The following TMEM150C variants were observed in gnomAD, a reference collection of about 807,000 sequenced individuals.
TMEM150C encodes tentonin 3.
TMEM150C carries 10 observed loss-of-function variants against 29.9 expected under a neutral mutation model. The observed-to-expected ratio is 0.33, with a 90% CI of 0.21 to 0.57. The LOEUF (loss-of-function observed/expected upper bound fraction) is 0.57. Ranked by LOEUF, TMEM150C falls within the 20% of genes least tolerant of loss-of-function variation. The pLI, the probability that TMEM150C is intolerant of heterozygous loss-of-function variation, is 0.88. For synonymous variants in TMEM150C, 101 were observed against 112.5 expected, an observed-to-expected ratio of 0.90 and a Z score of 0.64; for missense variants, 251 against 303.6, an observed-to-expected ratio of 0.83 and a Z score of 1.29.
chr4:82,560,206 A>G (rs183991351), intron 1 of TMEM150C, among the ~76,000 whole-genome samples: 28 of 152,354 alleles, frequency 1.8e-4, no homozygotes, highest in African/African-American at 6.3e-4. Context: ...GAATTAAGCA[A>G]TTGCTCTGAA....
chr4:82,530,105 T>TCTAGAG (rs1724789682), intron 1 of TMEM150C, among the ~76,000 whole-genome samples: 1 of 148,966 alleles, frequency 6.7e-6, no homozygotes, highest in South Asian at 2.1e-4. Context: ...TCTCTCTCTC[T>TCTAGAG]AGAGAGAGAG....
intron 1 of TMEM150C, among the ~76,000 whole-genome samples, chr4:82,549,568 C>T (rs558928328): frequency 5.9e-5 from 9 of 152,202 alleles, no homozygotes; most frequent in South Asian, 4.2e-4. Flanking sequence ...CTTGGGACTA[C>T]GGAACTGTAC....
At chr4:82,485,811 C>T (rs952108636) in intron 7 of TMEM150C, 92 bp from the exon 8 acceptor site, 2 of 1,179,668 alleles carry the variant, frequency 1.7e-6, no homozygotes, top group South Asian at 3.1e-5. Flanking sequence ...AAAAGTCTGG[C>T]TTTCCTCATC....
chr4:82,494,140 A>T lies in TMEM150C; in HGVS notation c.363+1928T>A, dbSNP rs181655566. On this transcript the variant is annotated intron_variant, in intron 6 of 7. Coordinates refer to ENST00000449862, the MANE Select transcript of TMEM150C (RefSeq NM_001080506.3). ...TATGCCATTTGCGATGTCATTCAAC[A>T]GACAGGGGGAAGAGTGTCAGGATCA... Among the ~76,000 whole-genome samples, 3 of 152,372 alleles carry T rather than the reference A, an allele frequency of 2.0e-5. No homozygotes were observed. In the East Asian group the frequency reaches 5.8e-4, roughly 29 times the overall value.
chr4:82,515,908 A>G (rs1385991576), intron 1 of TMEM150C, among the ~76,000 whole-genome samples: 1 of 152,096 alleles, frequency 6.6e-6, no homozygotes, highest in Non-Finnish European at 1.5e-5. Flanking sequence ...CCTGGTCTAC[A>G]GCTTTGAAAT....
chr4:82,559,390 C>CA (rs55656515), intron 1 of TMEM150C, among the ~76,000 whole-genome samples: 15,668 of 130,960 alleles, frequency 0.12, 1,397 homozygotes, highest in African/African-American at 0.27. Flanking sequence ...ACTAAAAATA[C>CA]AAAAAAAAAA....
At chr4:82,511,472 A>ATTTTTTTTTTTTTTT (rs397935719) in intron 1 of TMEM150C, among the ~76,000 whole-genome samples, 4 of 106,356 alleles carry the variant, frequency 3.8e-5, no homozygotes, top group South Asian at 6.2e-4. Flanking sequence ...TCCCAACACT[A>ATTTTTTTTTTTTTTT]TTTTTTTTTT....
In TMEM150C at chr4:82,490,158, A is replaced by C. The variant is rs1480663536; in HGVS notation, c.444T>G (p.Ala148=). 1 of 1,614,026 alleles carries C rather than the reference A, an allele frequency of 6.2e-7. No homozygotes were observed. The highest frequency in any genetic ancestry group is 8.5e-7 in the Non-Finnish European group (1 of 1,179,876). The part of the protein sequence containing the change: ...GFGTLTCWIQ[A]ALTLKVNIKN... The stretch of plus-strand genomic sequence containing the variant: ...TGATGTTGACCTTGAGTGTCAGCGC[A>C]GCCTGGATCCAGCAGGTCAATGTGC... Residue 148 remains alanine, a synonymous_variant, in exon 7 of 8, where the codon GCT becomes GCG. Coordinates refer to ENST00000449862, the MANE Select transcript of TMEM150C (RefSeq NM_001080506.3).
In TMEM150C at chr4:82,490,704, C is replaced by T. The variant is rs146540530; in HGVS notation, c.364-466G>A. On this transcript the variant is annotated intron_variant, in intron 6 of 7. Coordinates refer to ENST00000449862, the MANE Select transcript of TMEM150C (RefSeq NM_001080506.3). ...CTCAAAGCGATCCTCCCACCTCAGC[C>T]TCTGGAGTAGCTGGGACCACAGGTA... is the stretch of plus-strand genomic sequence containing the variant. The T allele has an allele frequency of 4.0e-3, 1,366 of 344,270 alleles. 9 individuals are homozygous for T. Among genetic ancestry groups the T allele is most frequent in the Non-Finnish European group, 5.5e-3 (986 of 178,656 alleles). 21.3% of individuals were successfully genotyped at this position (344,270 alleles called of 1,614,324 possible). A position where few individuals can be genotyped will look rare whatever the true frequency, so the allele number is the denominator to read the frequency against.
chr4:82,532,548 T>G (rs555230186), intron 1 of TMEM150C, among the ~76,000 whole-genome samples: 3 of 152,170 alleles, frequency 2.0e-5, no homozygotes, highest in Non-Finnish European at 4.4e-5. Context: ...AAGAAAGATA[T>G]GCAAAGTAGC....
At chr4:82,526,650 G>A in intron 1 of TMEM150C, among the ~76,000 whole-genome samples, 1 of 152,140 alleles carries the variant, frequency 6.6e-6, no homozygotes, top group East Asian at 1.9e-4. Flanking sequence ...CAGCTAGTAA[G>A]TGGTTGAATC....
Position 82,502,923 on chromosome 4 carries a change from G to C in TMEM150C, c.139C>G (p.Pro47Ala). Residue 47 changes from proline to alanine, a missense_variant, in exon 4 of 8, where the codon CCT becomes GCT. Coordinates refer to ENST00000449862, the MANE Select transcript of TMEM150C (RefSeq NM_001080506.3). ...ILPLNSAERK[P>A]GVKHAPYISI... The stretch of plus-strand genomic sequence containing the variant: ...ATATATGGTGCATGCTTCACACCAG[G>C]TTTCCTGGATAATAAAAAAAAAAAA... 6.3e-7 allele frequency: 1 copy of C among 1,593,184 alleles called. No individual in the cohort carries two copies. Among genetic ancestry groups the C allele is most frequent in the Non-Finnish European group, 8.5e-7 (1 of 1,169,618 alleles).
intron 1 of TMEM150C, among the ~76,000 whole-genome samples, chr4:82,505,246 T>A (rs1467766674): frequency 1.3e-5 from 2 of 152,242 alleles, no homozygotes; most frequent in East Asian, 3.9e-4. Flanking sequence ...GGGGTCTAGC[T>A]ATGTTGCCCA....
Position 82,502,889 on chromosome 4 carries a change from G to A in TMEM150C, c.167+6C>T, listed in dbSNP as rs759075303. 6 of 1,597,962 alleles carry A rather than the reference G, an allele frequency of 3.8e-6. No individual in the cohort carries two copies. The South Asian group carries it at 4.5e-5, about 12-fold the overall frequency. On this transcript the variant is annotated splice_donor_region_variant and intron_variant, in intron 4 of 7. Coordinates refer to ENST00000449862, the MANE Select transcript of TMEM150C (RefSeq NM_001080506.3). ...CCCACAGGACAGAAGAGAATTGCTG[G>A]GTTACCTTATATATGGTGCATGCTT... is the stretch of plus-strand genomic sequence containing the variant.
intron 1 of TMEM150C, among the ~76,000 whole-genome samples, chr4:82,538,954 C>T (rs1725109280): frequency 6.6e-6 from 1 of 152,026 alleles, no homozygotes; most frequent in Non-Finnish European, 1.5e-5. Context: ...TAAGTCCTAG[C>T]TACTCAGGAG....
intron 1 of TMEM150C, among the ~76,000 whole-genome samples, chr4:82,557,824 C>A (rs982534663): frequency 7.3e-5 from 11 of 150,374 alleles, no homozygotes; most frequent in Admixed American, 3.3e-4. Flanking sequence ...ACCTCTGCCT[C>A]TCCCGGGACC....
intron 1 of TMEM150C, among the ~76,000 whole-genome samples, chr4:82,545,055 C>T (rs544695477): frequency 6.6e-6 from 1 of 152,294 alleles, no homozygotes; most frequent in African/African-American, 2.4e-5. Flanking sequence ...ATGAAGCCAG[C>T]ATCACCTTGA....
intron 7 of TMEM150C, among the ~76,000 whole-genome samples, chr4:82,489,815 G>A (rs947714796): frequency 1.3e-5 from 2 of 152,156 alleles, no homozygotes; most frequent in Non-Finnish European, 2.9e-5. Flanking sequence ...AAATGAGAAT[G>A]TATGACACCA....
chr4:82,531,154 A>G (rs1478273070), intron 1 of TMEM150C, among the ~76,000 whole-genome samples: 1 of 152,250 alleles, frequency 6.6e-6, no homozygotes, highest in Non-Finnish European at 1.5e-5. Flanking sequence ...AGACTTAGTA[A>G]GGAGTAAAGA....
Sources: allele counts gnomAD v4.1 joint callset (sites outside exome capture counted in the v4.1 genomes callset), GRCh38; gene constraint gnomAD v4.1.1; transcripts MANE v1.5; gene names NCBI Gene and HGNC (gene_info 2026-07-23, HGNC 2026-07-21).